SERHL2: variants seen among roughly 807,000 people sequenced by gnomAD.
The protein encoded by SERHL2 is serine hydrolase like 2.
In SERHL2, 29 loss-of-function variants were observed where a neutral mutation model predicts 25.5. The ratio of observed to expected loss-of-function variants is 1.14; its 90% confidence interval spans 0.85 to 1.55. The LOEUF is 1.55. SERHL2 is among the 40% of genes most tolerant of loss of function. The pLI, the probability that SERHL2 is intolerant of heterozygous loss-of-function variation, is 0.00. For synonymous variants in SERHL2, 95 were observed against 103.5 expected, an observed-to-expected ratio of 0.92 and a Z score of 0.50; for missense variants, 240 against 252.3, an observed-to-expected ratio of 0.95 and a Z score of 0.33.
At position 42,572,447 on chromosome 22, in the gene SERHL2, G is replaced by T. The variant is rs1337744513; in HGVS notation, c.743G>T (p.Gly248Val). Residue 248 changes from glycine to valine, a missense_variant, in exon 11 of 12, where the codon GGA (glycine) becomes GTA (valine). Gly to Val is a moderately radical substitution (Grantham distance 109). Around this residue, in one of 4 missense-constraint regions of SERHL2, gnomAD observed 212 missense variants for 168.9 expected, o/e 1.25. Transcript: ENST00000327678. ...TCCTCACTTTCCAGAGCAGTCCACG[G>T]ATATTTTGATTCAAGACAGAATTAC... ...AHVLLIKAVH[G>V]YFDSRQNYSE... 1.9e-6 allele frequency: 3 copies of T among 1,610,294 alleles called. No individual in the cohort carries two copies. The African/African-American group carries it at 4.0e-5, about 21-fold the overall frequency.
chr22:42,559,158 G>A (rs554811842), intron 7 of SERHL2, among the ~76,000 whole-genome samples: 87 of 97,414 alleles, frequency 8.9e-4, no homozygotes, highest in African/African-American at 4.1e-3. Flanking sequence ...ACATTGGGAA[G>A]CTGAGGTGGG....
chr22:42,571,329 A>G (rs1343274027), intron 10 of SERHL2, 126 bp downstream of exon 10: 1 of 1,512,734 alleles, frequency 6.6e-7, no homozygotes, highest in East Asian at 2.5e-5. Context: ...AAGGCTCAAG[A>G]TCTTTTTTGG....
intron 9 of SERHL2, among the ~76,000 whole-genome samples, chr22:42,566,585 G>C (rs1923424450): frequency 1.3e-5 from 2 of 151,522 alleles, no homozygotes; most frequent in African/African-American, 4.9e-5. Context: ...AAATTATATA[G>C]CTAACATAAT....
chr22:42,571,795 A>C (rs1229611849), intron 10 of SERHL2: 3 of 156,126 alleles, frequency 1.9e-5, no homozygotes, highest in Admixed American at 1.8e-4. Context: ...GAGCCTTTAA[A>C]ACATCGCGCT....
At position 42,574,189 on chromosome 22, in the gene SERHL2, G is replaced by C. The variant is rs531477672; in HGVS notation, c.*134G>C. On this transcript the variant is annotated 3_prime_UTR_variant, in exon 12 of 12. Transcript: ENST00000327678. ...TCTTGAGGCCCAGCCTAGGATGGTA[G>C]TCAGGGGAAGGAGCGAGATTCCAAC... is the stretch of plus-strand genomic sequence containing the variant. The C allele has an allele frequency of 1.4e-4, 104 of 751,802 alleles. 1 individual carries two copies. In the South Asian group the frequency reaches 1.8e-3, roughly 13 times the overall value. The allele number at this position is 751,802 out of a possible 1,614,324, so 46.6% of individuals were successfully genotyped here.
intron 1 of SERHL2, 109 bp downstream of exon 1, chr22:42,554,151 G>T: frequency 7.5e-7 from 1 of 1,340,876 alleles, no homozygotes. Context: ...CGCCCTCCTG[G>T]GTGTCGCAGC....
chr22:42,565,269 G>C lies in SERHL2; in HGVS notation c.614-1035G>C. The C allele has an allele frequency of 1.3e-5, 2 of 152,762 alleles. 1 individual carries two copies. Among genetic ancestry groups the C allele is most frequent in the Non-Finnish European group, 2.9e-5 (2 of 68,104 alleles). The allele number at this position is 152,762 out of a possible 1,614,324, so 9.5% of individuals were successfully genotyped here. A position where few individuals can be genotyped will look rare whatever the true frequency, so the allele number is the denominator to read the frequency against. Reference sequence around the variant, plus strand: ...GGACACCCGCCTAGCCGCCAGATCAGCTGAATCAACCCTGGCGATCAATGG... The same window carrying C: ...GGACACCCGCCTAGCCGCCAGATCACCTGAATCAACCCTGGCGATCAATGG... On this transcript the variant is annotated intron_variant, in intron 8 of 11. Transcript: ENST00000327678.
intron 11 of SERHL2, chr22:42,573,278 C>G (rs889882095): frequency 7.0e-6 from 1 of 143,304 alleles, no homozygotes; most frequent in South Asian, 2.2e-4. Flanking sequence ...GAGTGTCGCT[C>G]TGTTGCCCAG....
At chr22:42,559,410 A>AAG (rs1569274400) in intron 7 of SERHL2, among the ~76,000 whole-genome samples, 4 of 151,434 alleles carry the variant, frequency 2.6e-5, no homozygotes, top group Admixed American at 2.0e-4. Context: ...TGTCTCAATT[A>AAG]GAATACAAGG....
intron 8 of SERHL2, among the ~76,000 whole-genome samples, chr22:42,564,439 C>CT (rs572457769): frequency 2.1e-4 from 30 of 146,274 alleles, no homozygotes; most frequent in South Asian, 1.8e-3. Context: ...TTTTTTTTTT[C>CT]TTTTTTTTTG....
Position 42,563,189 on chromosome 22 carries a change from TC to T in SERHL2, c.613+2925del, listed in dbSNP as rs1922903506. Among the ~76,000 whole-genome samples, 4 of 105,608 alleles carry T rather than the reference TC, an allele frequency of 3.8e-5. No homozygotes were observed. In the East Asian group the frequency reaches 5.5e-3, roughly 145 times the overall value. 69.3% of individuals were successfully genotyped at this position (105,608 alleles called of 152,430 possible). Reference sequence around the variant, plus strand: ...GCAAGACCCTGGCTTTTTCTTTTTTTCTTTTTTTTTTTTTTTGTTGTTGTTG... The same window carrying T: ...GCAAGACCCTGGCTTTTTCTTTTTTTTTTTTTTTTTTTTTTGTTGTTGTTG... On this transcript the variant is annotated intron_variant, in intron 8 of 11. Coordinates refer to ENST00000327678, the MANE Select transcript of SERHL2 (RefSeq NM_014509.5).
At chr22:42,561,842 A>AG (rs1335521651) in intron 8 of SERHL2, among the ~76,000 whole-genome samples, 1 of 151,660 alleles carries the variant, frequency 6.6e-6, no homozygotes, top group Non-Finnish European at 1.5e-5. Flanking sequence ...CATCATGGGG[A>AG]GGGGAGGTCA....
At chr22:42,571,369 G>C (rs1924164283) in intron 10 of SERHL2, 166 bp downstream of exon 10, 1 of 1,455,498 alleles carries the variant, frequency 6.9e-7, no homozygotes, top group Non-Finnish European at 9.1e-7. Context: ...GGTCATGGAA[G>C]GAGGAAGGTC....
At position 42,560,178 on chromosome 22, in the gene SERHL2, C is replaced by G; in HGVS notation, c.534-8C>G. On this transcript the variant is annotated splice_polypyrimidine_tract_variant and splice_region_variant and intron_variant, in intron 7 of 11. Coordinates refer to ENST00000327678, the MANE Select transcript of SERHL2 (RefSeq NM_014509.5). ...CCAGGCACCCAGCATCCTTCTGTCT[C>G]CCCCCAGGTTACTGAAGAGCAATAG... is the stretch of plus-strand genomic sequence containing the variant. 3.1e-6 allele frequency: 5 copies of G among 1,606,548 alleles called. No homozygotes were observed. The highest frequency in any genetic ancestry group is 4.3e-6 in the Non-Finnish European group (5 of 1,173,526).
intron 8 of SERHL2, 58 bp downstream of exon 8, chr22:42,560,323 G>A: frequency 1.5e-6 from 2 of 1,334,152 alleles, no homozygotes; most frequent in South Asian, 1.2e-5. Context: ...TACCGAGGAT[G>A]TCAAGGACTT....
chr22:42,566,256 C>T (rs1447711294), intron 8 of SERHL2, 48 bp from the exon 9 acceptor site: 19 of 1,594,180 alleles, frequency 1.2e-5, no homozygotes, highest in Non-Finnish European at 1.6e-5. Context: ...CGTCCCCTGA[C>T]CCTGATGGAC....
intron 8 of SERHL2, chr22:42,563,295 A>AT (rs1330782819): frequency 4.2e-6 from 1 of 235,726 alleles, no homozygotes; most frequent in Non-Finnish European, 9.0e-6. Context: ...CCTTGGCCTC[A>AT]TGGGCTCAGG....
chr22:42,556,769 C>G, intron 6 of SERHL2, 181 bp downstream of exon 6: 2 of 793,742 alleles, frequency 2.5e-6, no homozygotes, highest in Non-Finnish European at 3.5e-6. Flanking sequence ...ATACCCCTAG[C>G]AGTGGTCAGG....
chr22:42,563,097 G>GT (rs1200613685), intron 8 of SERHL2, among the ~76,000 whole-genome samples: 1 of 151,972 alleles, frequency 6.6e-6, no homozygotes, highest in African/African-American at 2.4e-5. Flanking sequence ...GGAGGCTGAA[G>GT]TGGGAGACTC....
Sources: allele counts gnomAD v4.1 joint callset (sites outside exome capture counted in the v4.1 genomes callset), GRCh38; gene constraint gnomAD v4.1.1; regional missense constraint gnomAD v4.1.1; transcripts MANE v1.5; gene names NCBI Gene and HGNC (gene_info 2026-07-23, HGNC 2026-07-21).